The following FRMPD1 variants were observed in gnomAD, a reference collection of about 807,000 sequenced individuals.
FRMPD1 encodes the protein FERM and PDZ domain-containing protein 1.
FRMPD1 carries 76 observed loss-of-function variants against 117.8 expected under a neutral mutation model. That is an observed-to-expected ratio of 0.65 (90% CI 0.54 to 0.78). FRMPD1 has a LOEUF of 0.78. Ranked by LOEUF, FRMPD1 falls within the 30% of genes least tolerant of loss-of-function variation. FRMPD1 has a pLI of 0.00. For missense variants in FRMPD1, 1,786 were observed against 1,964.5 expected (o/e 0.91, Z 1.72); for synonymous variants, 783 against 770.4 (o/e 1.02, Z -0.27).
chr9:37,647,813 G>T (rs1423979003), upstream of FRMPD1, among the ~76,000 whole-genome samples: 1 of 152,138 alleles, frequency 6.6e-6, no homozygotes, highest in African/African-American at 2.4e-5. Context: ...TTTTTGACCA[G>T]GATTTAAAGG....
At chr9:37,706,052 T>A (rs932006022) in intron 2 of FRMPD1, among the ~76,000 whole-genome samples, 1 of 152,032 alleles carries the variant, frequency 6.6e-6, no homozygotes. Context: ...TAGTGTGAAT[T>A]TTCAGTTTTC....
chr9:37,613,888 A>G, the FRMPD1 span, among the ~76,000 whole-genome samples: 11 of 152,350 alleles, frequency 7.2e-5, no homozygotes, highest in South Asian at 2.3e-3. Flanking sequence ...GAAGCTGCAT[A>G]AGGGCAGAAG....
intron 7 of FRMPD1, among the ~76,000 whole-genome samples, chr9:37,728,382 A>G (rs1199988069): frequency 2.0e-5 from 3 of 152,214 alleles, no homozygotes; most frequent in Admixed American, 1.3e-4. Flanking sequence ...CTGGCCAGAG[A>G]AAGCCTCTCT....
chr9:37,645,941 T>C, the FRMPD1 span, among the ~76,000 whole-genome samples: 1 of 152,210 alleles, frequency 6.6e-6, no homozygotes, highest in African/African-American at 2.4e-5. Context: ...CAGGTATCAT[T>C]GCCTCTTCTT....
intron 1 of FRMPD1, among the ~76,000 whole-genome samples, chr9:37,677,592 A>T (rs1254566363): frequency 6.6e-6 from 1 of 152,206 alleles, no homozygotes; most frequent in East Asian, 1.9e-4. Flanking sequence ...TTGTCCAAGG[A>T]TGCAAGGTTA....
intron 2 of FRMPD1, among the ~76,000 whole-genome samples, chr9:37,699,368 G>A (rs1332711524): frequency 1.4e-5 from 2 of 147,758 alleles, no homozygotes; most frequent in East Asian, 3.9e-4. Context: ...TGCCCAGGCT[G>A]GAGTACAGTG....
intron 9 of FRMPD1, 32 bp from the exon 10 acceptor site, chr9:37,732,272 G>A: frequency 6.2e-7 from 1 of 1,610,140 alleles, no homozygotes; most frequent in Non-Finnish European, 8.5e-7. Context: ...GTCTGCTTTT[G>A]TTTCCCATCT....
chr9:37,656,092 C>T (rs1447882433), intron 1 of FRMPD1, among the ~76,000 whole-genome samples: 4 of 152,172 alleles, frequency 2.6e-5, no homozygotes, highest in Non-Finnish European at 4.4e-5. Context: ...TTGGGAGGGC[C>T]GGCACAATGT....
chr9:37,722,277 C>G (rs1168004291), intron 6 of FRMPD1, among the ~76,000 whole-genome samples: 1 of 151,556 alleles, frequency 6.6e-6, no homozygotes, highest in Admixed American at 6.6e-5. Context: ...CCACTGCACT[C>G]CAGCCTGAGC....
intron 7 of FRMPD1, among the ~76,000 whole-genome samples, chr9:37,725,754 T>G (rs1823591948): frequency 6.6e-6 from 1 of 152,248 alleles, no homozygotes; most frequent in Non-Finnish European, 1.5e-5. Context: ...TAACTAGTGT[T>G]ATCCCCACTT....
chr9:37,688,081 G>A (rs1425091590), intron 1 of FRMPD1, among the ~76,000 whole-genome samples: 1 of 151,818 alleles, frequency 6.6e-6, no homozygotes, highest in Non-Finnish European at 1.5e-5. Flanking sequence ...CTTGAAGTAG[G>A]ATGCTTATTT....
At chr9:37,638,650 T>C in the FRMPD1 span, among the ~76,000 whole-genome samples, 1 of 152,228 alleles carries the variant, frequency 6.6e-6, no homozygotes, top group Non-Finnish European at 1.5e-5. Flanking sequence ...AGATATTTTC[T>C]AAATCCTTTA....
intron 2 of FRMPD1, among the ~76,000 whole-genome samples, chr9:37,706,444 C>G (rs1822708674): frequency 6.6e-6 from 1 of 152,106 alleles, no homozygotes; most frequent in African/African-American, 2.4e-5. Context: ...CCGCAGAGTC[C>G]CAAGACAGCT....
chr9:37,721,091 A>C (rs1475944638), intron 6 of FRMPD1, among the ~76,000 whole-genome samples: 1 of 152,174 alleles, frequency 6.6e-6, no homozygotes. Flanking sequence ...AGATAAGAAC[A>C]ACTTTCACCT....
intron 2 of FRMPD1, among the ~76,000 whole-genome samples, chr9:37,694,017 C>T (rs1248220168): frequency 2.0e-5 from 3 of 152,342 alleles, no homozygotes; most frequent in Admixed American, 6.5e-5. Flanking sequence ...TTTCCTTTCT[C>T]CTAGACCTGC....
Position 37,707,108 on chromosome 9 carries a change from C to G in FRMPD1, c.102-308C>G, listed in dbSNP as rs145681008. Among the ~76,000 whole-genome samples the G allele has an allele frequency of 3.6e-3, 544 of 152,296 alleles. 3 individuals carry two copies. The highest frequency in any genetic ancestry group is 0.012 in the African/African-American group (515 of 41,550). On this transcript the variant is annotated intron_variant, in intron 2 of 15. Transcript: ENST00000377765. ...CACCTCTTCCAAGTACCAGATGCGT[C>G]CCTGATTCCCTATTCCCTGCCCTAC... is the stretch of plus-strand genomic sequence containing the variant.
intron 5 of FRMPD1, among the ~76,000 whole-genome samples, chr9:37,717,920 T>C (rs769700746): frequency 1.3e-4 from 20 of 152,182 alleles, no homozygotes; most frequent in Admixed American, 6.5e-5. Flanking sequence ...TAATTTTGGG[T>C]TGGAACTTTT....
chr9:37,718,607 G>A (rs1333947893), intron 5 of FRMPD1, among the ~76,000 whole-genome samples: 5 of 152,326 alleles, frequency 3.3e-5, no homozygotes, highest in Middle Eastern at 3.4e-3. Flanking sequence ...AGGGAACCCC[G>A]TCTAACTCCT....
At chr9:37,623,876 GA>G in the FRMPD1 span, among the ~76,000 whole-genome samples, 2 of 151,714 alleles carry the variant, frequency 1.3e-5, no homozygotes, top group African/African-American at 2.4e-5. Flanking sequence ...TTATTAAAAG[GA>G]AAAAAAATCA....
Sources: gnomAD v4.1 joint callset for allele counts (sites outside exome capture counted in the v4.1 genomes callset) on GRCh38, gnomAD v4.1.1 for gene constraint, MANE v1.5 for transcripts, NCBI Gene and HGNC (gene_info 2026-07-23, HGNC 2026-07-21) for gene names.